UGT2B28: variants seen among roughly 807,000 people sequenced by gnomAD.
The protein encoded by UGT2B28 is UDP glucuronosyltransferase family 2 member B28.
UGT2B28 carries 45 observed loss-of-function variants against 43.6 expected under a neutral mutation model. The ratio of observed to expected loss-of-function variants is 1.03; its 90% CI spans 0.81 to 1.32. UGT2B28 has a LOEUF of 1.32. Among genes scored for constraint, UGT2B28 ranks in the 40% most tolerant of loss-of-function variants. The pLI is 0.00. For synonymous variants in UGT2B28, 204 were observed against 208.1 expected, an observed-to-expected ratio of 0.98 and a Z score of 0.17; for missense variants, 649 against 625.5, an observed-to-expected ratio of 1.04 and a Z score of -0.40.
At chr4:69,293,939 T>G (rs1724026829) in intron 5 of UGT2B28, among the ~76,000 whole-genome samples, 1 of 140,068 alleles carries the variant, frequency 7.1e-6, no homozygotes, top group South Asian at 2.4e-4. Context: ...AAAAGCAAAG[T>G]GACAAGCCAT....
intron 3 of UGT2B28, among the ~76,000 whole-genome samples, chr4:69,288,052 G>C (rs1723830555): frequency 7.2e-6 from 1 of 138,962 alleles, no homozygotes; most frequent in Non-Finnish European, 1.5e-5. Context: ...TTGTCTAAGT[G>C]ATAATAATCA....
rs972945053 is a variant in UGT2B28, at chr4:69,292,018, A to G, written c.1310+1207A>G. ...TTATTGATCATTCATATATCTTCTT[A>G]GAAAACATGTCTATTCCAACGCTTG... On this transcript the variant is annotated intron_variant, in intron 5 of 5. Coordinates refer to ENST00000335568, the MANE Select transcript of UGT2B28 (RefSeq NM_053039.2). Among the ~76,000 whole-genome samples, 3 of 140,376 alleles carry G rather than the reference A, an allele frequency of 2.1e-5. 1 individual carries two copies. The highest frequency in any genetic ancestry group is 8.3e-5 in the African/African-American group (3 of 35,976). The allele number at this position is 140,376 out of a possible 152,430, so 92.1% of individuals were successfully genotyped here. A position where few individuals can be genotyped will look rare whatever the true frequency, so the allele number is the denominator to read the frequency against.
rs112790805 is a variant in UGT2B28 at position 69,282,859 on chromosome 4, G to T, written c.870+197G>T. Among the ~76,000 whole-genome samples, 4 of 140,174 alleles carry T rather than the reference G, an allele frequency of 2.9e-5. 1 individual carries two copies. Among genetic ancestry groups the T allele is most frequent in the African/African-American group, 1.1e-4 (4 of 35,910 alleles). 92.0% of individuals were successfully genotyped at this position (140,174 alleles called of 152,430 possible). A position where few individuals can be genotyped will look rare whatever the true frequency, so the allele number is the denominator to read the frequency against. On this transcript the variant is annotated intron_variant, in intron 2 of 5. Transcript: ENST00000335568. ...GTGAGTTTTATGCATATTACAAATA[G>T]AGAGGAATAGTAAGGAGACTTTGAA...
intron 5 of UGT2B28, among the ~76,000 whole-genome samples, chr4:69,292,776 C>A (rs1435628068): frequency 7.2e-6 from 1 of 139,504 alleles, no homozygotes; most frequent in Non-Finnish European, 1.5e-5. Context: ...TAAAAAGATT[C>A]AATATCATGA....
rs143753823 is a variant in UGT2B28 at position 69,281,616 on chromosome 4, A to C, written c.721+395A>C. On this transcript the variant is annotated intron_variant, in intron 1 of 5. Transcript: ENST00000335568. ...TTTCTACAACTATCTATATAACTGC[A>C]GAAAGTTTTCCTTGTAAACCTCAGT... Among the ~76,000 whole-genome samples the C allele has an allele frequency of 7.3e-3, 1,037 of 141,210 alleles. 231 individuals carry two copies. The highest frequency in any genetic ancestry group is 0.026 in the African/African-American group (957 of 36,310). The allele number at this position is 141,210 out of a possible 152,430, so 92.6% of individuals were successfully genotyped here.
At chr4:69,291,932 C>T (rs1723966624) in intron 5 of UGT2B28, among the ~76,000 whole-genome samples, 1 of 140,220 alleles carries the variant, frequency 7.1e-6, no homozygotes, top group South Asian at 2.4e-4. Flanking sequence ...AATGATCTCT[C>T]ATCCTGGTCT....
rs1250643071 is a variant in UGT2B28, at chr4:69,290,292, C to G, written c.1091-300C>G. ...CTCTGTGACAGCACCTAAAATAAAA[C>G]TTTATTTCATGCCCATCTCTTTGCT... On this transcript the variant is annotated intron_variant, in intron 4 of 5. Coordinates refer to ENST00000335568, the MANE Select transcript of UGT2B28 (RefSeq NM_053039.2). Among the ~76,000 whole-genome samples, 5 of 139,822 alleles carry G rather than the reference C, an allele frequency of 3.6e-5. 2 individuals are homozygous for G. Among genetic ancestry groups the G allele is most frequent in the Non-Finnish European group, 7.6e-5 (5 of 65,586 alleles). 91.7% of individuals were successfully genotyped at this position (139,822 alleles called of 152,430 possible). A position where few individuals can be genotyped will look rare whatever the true frequency, so the allele number is the denominator to read the frequency against.
rs1238727813 is a variant in UGT2B28, at chr4:69,287,367, C to G, written c.1002+484C>G. Among the ~76,000 whole-genome samples, 4 of 140,624 alleles carry G rather than the reference C, an allele frequency of 2.8e-5. 1 individual carries two copies. Among genetic ancestry groups the G allele is most frequent in the Non-Finnish European group, 6.1e-5 (4 of 65,728 alleles). The allele number at this position is 140,624 out of a possible 152,430, so 92.3% of individuals were successfully genotyped here. Reference sequence around the variant, plus strand: ...TGATCATTTTCTTCAAAGCTGTTTTCCTAATCTCAGCAGTATCTAATGAGT... The same window carrying G: ...TGATCATTTTCTTCAAAGCTGTTTTGCTAATCTCAGCAGTATCTAATGAGT... On this transcript the variant is annotated intron_variant, in intron 3 of 5. Transcript: ENST00000335568.
rs755504134 is a variant in UGT2B28, at chr4:69,290,541, T to C, written c.1091-51T>C. ...GTCACTTTCAGAGCATTTCATTGTG[T>C]ATCGCATTTTATTCCTATGAATAAT... On this transcript the variant is annotated intron_variant, in intron 4 of 5. Coordinates refer to ENST00000335568, the MANE Select transcript of UGT2B28 (RefSeq NM_053039.2). 8 of 1,529,520 alleles carry C rather than the reference T, an allele frequency of 5.2e-6. 1 individual carries two copies. Among genetic ancestry groups the C allele is most frequent in the East Asian group, 2.3e-5 (1 of 43,320 alleles). 94.7% of individuals were successfully genotyped at this position (1,529,520 alleles called of 1,614,324 possible). A position where few individuals can be genotyped will look rare whatever the true frequency, so the allele number is the denominator to read the frequency against.
rs550897572 is a variant in UGT2B28, at chr4:69,290,231, C to A, written c.1091-361C>A. 9.4e-4 allele frequency among the ~76,000 whole-genome samples: 132 copies of A among 140,112 alleles called. 25 individuals carry two copies. The highest frequency in any genetic ancestry group is 2.4e-3 in the African/African-American group (87 of 35,868). The allele number at this position is 140,112 out of a possible 152,430, so 91.9% of individuals were successfully genotyped here. On this transcript the variant is annotated intron_variant, in intron 4 of 5. Coordinates refer to ENST00000335568, the MANE Select transcript of UGT2B28 (RefSeq NM_053039.2). The stretch of plus-strand genomic sequence containing the variant: ...CCTCAATCCTAGCACCACCACCAAC[C>A]CACTGCCTGCTGCCTTGCACACCCC...
intron 3 of UGT2B28, among the ~76,000 whole-genome samples, chr4:69,288,252 T>G (rs1219969164): frequency 7.1e-6 from 1 of 140,128 alleles, no homozygotes; most frequent in African/African-American, 2.8e-5. Context: ...CTTGAAAATT[T>G]GTAATTCCAA....
intron 3 of UGT2B28, 95 bp from the exon 4 acceptor site, chr4:69,289,570 A>T: frequency 9.0e-7 from 1 of 1,114,422 alleles, no homozygotes. Flanking sequence ...ATTTACTAAC[A>T]TCCCTTGATC....
rs190236929 is a variant in UGT2B28 at position 69,286,159 on chromosome 4, T to C, written c.871-593T>C. ...ACCAGCTTTTATTTTCATTTTTTATTTTTTGAAAAACTACTGGAAAACTCT... is the reference window on the plus strand; with the variant it reads ...ACCAGCTTTTATTTTCATTTTTTATCTTTTGAAAAACTACTGGAAAACTCT... On this transcript the variant is annotated intron_variant, in intron 2 of 5. Transcript: ENST00000335568. Among the ~76,000 whole-genome samples the C allele has an allele frequency of 3.0e-3, 420 of 141,468 alleles. 72 individuals are homozygous for C. Among genetic ancestry groups the C allele is most frequent in the Non-Finnish European group, 2.9e-3 (189 of 66,008 alleles). 92.8% of individuals were successfully genotyped at this position (141,468 alleles called of 152,430 possible).
At chr4:69,284,261 G>GA (rs1228937692) in intron 2 of UGT2B28, among the ~76,000 whole-genome samples, 2 of 138,762 alleles carry the variant, frequency 1.4e-5, no homozygotes, top group African/African-American at 2.8e-5. Context: ...GTTTCAATAC[G>GA]AAAAAAAATT....
Position 69,285,916 on chromosome 4 carries a change from A to G in UGT2B28, c.871-836A>G, listed in dbSNP as rs1435683851. ...GCCTCTGAGACACAACAAAGTGATG[A>G]TGAGAGTTCCTCACATGCAGTTATA... is the stretch of plus-strand genomic sequence containing the variant. On this transcript the variant is annotated intron_variant, in intron 2 of 5. Transcript: ENST00000335568. Among the ~76,000 whole-genome samples the G allele has an allele frequency of 2.8e-5, 4 of 141,328 alleles. 2 individuals carry two copies. Among genetic ancestry groups the G allele is most frequent in the African/African-American group, 1.1e-4 (4 of 36,116 alleles). The allele number at this position is 141,328 out of a possible 152,430, so 92.7% of individuals were successfully genotyped here.
Position 69,285,965 on chromosome 4 carries a change from G to T in UGT2B28, c.871-787G>T, listed in dbSNP as rs1331216527. Among the ~76,000 whole-genome samples the T allele has an allele frequency of 4.0e-4, 56 of 140,022 alleles. 11 individuals are homozygous for T. Among genetic ancestry groups the T allele is most frequent in the African/African-American group, 1.3e-3 (45 of 35,780 alleles). The allele number at this position is 140,022 out of a possible 152,430, so 91.9% of individuals were successfully genotyped here. On this transcript the variant is annotated intron_variant, in intron 2 of 5. Coordinates refer to ENST00000335568, the MANE Select transcript of UGT2B28 (RefSeq NM_053039.2). The stretch of plus-strand genomic sequence containing the variant: ...TAAACAGCACATCAATTTAACAGTG[G>T]GATTTCAGGGCAATAGGTGCTCCAC...
chr4:69,286,814 A>C lies in UGT2B28; in HGVS notation c.933A>C (p.Ser311=). 24 of 1,557,140 alleles carry C rather than the reference A, an allele frequency of 1.5e-5. 4 individuals carry two copies. The highest frequency in any genetic ancestry group is 2.0e-5 in the Non-Finnish European group (23 of 1,154,722). ...GTGTTGTGGTGTTTTCTCTGGGGTC[A>C]GTGATAAGTAACATGACAGCAGAAA... ...ENGVVVFSLG[S]VISNMTAERA... Residue 311 remains serine, a synonymous_variant, in exon 3 of 6, where the codon TCA becomes TCC. Transcript: ENST00000335568.
At chr4:69,281,928 T>A (rs1375598263) in intron 1 of UGT2B28, among the ~76,000 whole-genome samples, 1 of 140,482 alleles carries the variant, frequency 7.1e-6, no homozygotes, top group Non-Finnish European at 1.5e-5. Context: ...TTTCAATAAT[T>A]TCTCAAAAAT....
chr4:69,289,085 T>A (rs980482131), intron 3 of UGT2B28, among the ~76,000 whole-genome samples: 2 of 139,524 alleles, frequency 1.4e-5, no homozygotes, highest in Non-Finnish European at 3.0e-5. Flanking sequence ...GAACCAGTTA[T>A]AGTCCTTTGC....
Sources: allele counts gnomAD v4.1 joint callset (sites outside exome capture counted in the v4.1 genomes callset), GRCh38; gene constraint gnomAD v4.1.1; transcripts MANE v1.5; gene names NCBI Gene and HGNC (gene_info 2026-07-23, HGNC 2026-07-21).